Variants in FLG observed in about 807,000 individuals in gnomAD.
The protein encoded by FLG is filaggrin.
A neutral mutation model predicts 3.8 loss-of-function variants in FLG; 6 were observed. The ratio of observed to expected loss-of-function variants is 1.60; its 90% CI spans 0.87 to 3.15. The LOEUF is 3.15. Ranked by LOEUF, FLG falls within the 30% of genes most tolerant of loss-of-function variation. FLG has a pLI of 0.00. For synonymous variants in FLG, 2,551 were observed against 1,931.6 expected, an observed-to-expected ratio of 1.32 and a Z score of -8.41; for missense variants, 7,595 against 5,050.9, an observed-to-expected ratio of 1.50 and a Z score of -15.27.
intron 1 of FLG, among the ~76,000 whole-genome samples, chr1:152,316,387 A>G (rs909644189): frequency 6.6e-6 from 1 of 152,088 alleles, no homozygotes; most frequent in African/African-American, 2.4e-5. Context: ...TAGAGATGAA[A>G]AAGGGGAATT....
At position 152,311,907 on chromosome 1, in the gene FLG, G is replaced by T. The variant is rs533911903; in HGVS notation, c.2979C>A (p.Ala993=). ...RHPRSHHEDR[A]GHGHSADSSR... ...AGCTGTCTGCAGAGTGCCCGTGACC[G>T]GCTCTGTCTTCGTGATGGGACCTGG... is the stretch of plus-strand genomic sequence containing the variant. Residue 993 remains alanine, a synonymous_variant, in exon 3 of 3, where the codon GCC becomes GCA. Transcript: ENST00000368799. 1 of 1,614,024 alleles carries T rather than the reference G, an allele frequency of 6.2e-7. No individual in the cohort carries two copies. The highest frequency in any genetic ancestry group is 1.1e-5 in the South Asian group (1 of 91,066).
chr1:152,305,113 T>A lies in FLG; in HGVS notation c.9773A>T (p.His3258Leu), dbSNP rs777676503. The change falls in exon 3 of 3, where the codon CAC (histidine) becomes CTC (leucine). Residue 3258 changes from histidine to leucine, a missense_variant. His to Leu is a moderately conservative substitution (Grantham distance 99, BLOSUM62 -3). Coordinates refer to ENST00000368799, the MANE Select transcript of FLG (RefSeq NM_002016.2). ...GTGCCCGTGACCGGCTCTGTCTTCGTGATGGGACCTGGGGTGTCTGGAGCC... is the reference window on the plus strand; with the variant it reads ...GTGCCCGTGACCGGCTCTGTCTTCGAGATGGGACCTGGGGTGTCTGGAGCC... ...RHGSRHPRSH[H>L]EDRAGHGHSA... The A allele has an allele frequency of 2.0e-5, 32 of 1,613,824 alleles. No homozygotes were observed. Among genetic ancestry groups the A allele is most frequent in the South Asian group, 1.5e-4 (14 of 91,028 alleles).
chr1:152,319,775 A>G (rs1269704226), intron 1 of FLG, among the ~76,000 whole-genome samples: 2 of 151,548 alleles, frequency 1.3e-5, no homozygotes, highest in Non-Finnish European at 3.0e-5. Flanking sequence ...AAGCAAAGAA[A>G]AACAGAGCTA....
rs1651684009 is a variant in FLG at position 152,302,714 on chromosome 1, A to G, written c.12172T>C (p.Tyr4058His). 6.2e-7 allele frequency: 1 copy of G among 1,613,484 alleles called. No individual in the cohort carries two copies. Among genetic ancestry groups the G allele is most frequent in the African/African-American group, 1.3e-5 (1 of 75,040 alleles). The change falls in exon 3 of 3, where the codon TAT becomes CAT. Residue 4058 changes from tyrosine (Y) to histidine (H), a missense_variant. Coordinates refer to ENST00000368799, the MANE Select transcript of FLG (RefSeq NM_002016.2). ...CCATTAATTTCTTACTCATAGTAAT[A>G]GTATCTCTGTGACTGACTAAATCCC... Reference protein sequence around the residue: ...QLGFSQSQRYYYYE With the variant: ...QLGFSQSQRYHYYE
Position 152,307,109 on chromosome 1 carries a change from C to A in FLG, c.7777G>T (p.Gly2593Ter), listed in dbSNP as rs756353784. The change falls in exon 3 of 3, where the codon GGA becomes TGA. Residue 2593 changes from glycine (G) to a stop codon, truncating the protein, a stop_gained. Transcript: ENST00000368799. LOFTEE classifies it low-confidence loss of function (END_TRUNC). ...TCTCTTAGCTGCTCCTGAGCAGATC[C>A]ATGATGGTTTCTGGAAGCAGACCCA... is the stretch of plus-strand genomic sequence containing the variant. ...WSGSASRNHH[G>*]SAQEQLRDGS... 5 of 1,611,590 alleles carry A rather than the reference C, an allele frequency of 3.1e-6. No homozygotes were observed. Among genetic ancestry groups the A allele is most frequent in the South Asian group, 1.1e-5 (1 of 90,992 alleles).
intron 1 of FLG, among the ~76,000 whole-genome samples, chr1:152,323,614 AAAGAT>A (rs1206964131): frequency 2.0e-5 from 3 of 151,746 alleles, no homozygotes; most frequent in African/African-American, 4.8e-5. Context: ...AAGTGACTAA[AAAGAT>A]AAGAAAGAAA....
At position 152,302,901 on chromosome 1, in the gene FLG, C is replaced by G. The variant is rs776503518; in HGVS notation, c.11985G>C (p.Gln3995His). The change falls in exon 3 of 3, where the codon CAG becomes CAC. Residue 3995 changes from glutamine (Q) to histidine (H), a missense_variant. By Grantham distance (24) the Gln-to-His change is conservative (BLOSUM62 0). Coordinates refer to ENST00000368799, the MANE Select transcript of FLG (RefSeq NM_002016.2). ...DYGESGFRHS[Q>H]HGSVSYNSNP... ...TGGAATTGTAACTAACACTTCCGTG[C>G]TGAGAGTGTCTAAACCCGGATTCAC... The G allele has an allele frequency of 6.2e-7, 1 of 1,614,064 alleles. No individual in the cohort carries two copies. Among genetic ancestry groups the G allele is most frequent in the Non-Finnish European group, 8.5e-7 (1 of 1,180,044 alleles).
In FLG at chr1:152,313,231, T is replaced by C; in HGVS notation, c.1655A>G (p.Gln552Arg). ...CCCATGGGAGGCATCAGACCTTCCC[T>C]GGGATGTGGTGTGGCTGTGATGGGA... ...SGSHHSHTTS[Q>R]GRSDASHGQS... Residue 552 changes from glutamine to arginine, a missense_variant, in exon 3 of 3, where the codon CAG becomes CGG. Transcript: ENST00000368799. The C allele has an allele frequency of 6.2e-7, 1 of 1,613,878 alleles. No individual in the cohort carries two copies. The highest frequency in any genetic ancestry group is 8.5e-7 in the Non-Finnish European group (1 of 1,180,012).
At chr1:152,315,184 T>A in intron 2 of FLG, 135 bp downstream of exon 2, 1 of 866,350 alleles carries the variant, frequency 1.2e-6, no homozygotes, top group Non-Finnish European at 1.8e-6. Context: ...AAATAAAATC[T>A]ATCTCTTTTG....
In FLG at chr1:152,307,311, G is replaced by A. The variant is rs74338867; in HGVS notation, c.7575C>T (p.Asp2525=). The A allele has an allele frequency of 1.7e-3, 2,710 of 1,613,336 alleles. 45 individuals carry two copies. The African/African-American group carries it at 0.031, about 19-fold the overall frequency. The change falls in exon 3 of 3, where the codon GAC becomes GAT. Residue 2525 remains aspartate (D), a synonymous_variant. Coordinates refer to ENST00000368799, the MANE Select transcript of FLG (RefSeq NM_002016.2). Reference sequence around the variant, plus strand: ...GACGCGACCCTGAGTGCCTGGAGCCGTCTCCTGATTGTTCATCGTTACGAG... The same window carrying A: ...GACGCGACCCTGAGTGCCTGGAGCCATCTCCTGATTGTTCATCGTTACGAG... ...RQTRNDEQSG[D]GSRHSGSRHH...
rs779141143 is a variant in FLG at position 152,310,479 on chromosome 1, G to T, written c.4407C>A (p.Arg1469=). 1 of 1,613,756 alleles carries T rather than the reference G, an allele frequency of 6.2e-7. No homozygotes were observed. The highest frequency in any genetic ancestry group is 1.1e-5 in the South Asian group (1 of 91,048). The change falls in exon 3 of 3, where the codon CGC becomes CGA. Residue 1469 remains arginine, a synonymous_variant. Transcript: ENST00000368799. ...APSTGGRQGS[R]HEQARNSSRH... ...TAGAGCTGTTTCGTGCCTGCTCATG[G>T]CGGGATCCTTGTCTTCCTCCAGTGC...
In FLG at chr1:152,304,546, C is replaced by T. The variant is rs138147945; in HGVS notation, c.10340G>A (p.Gly3447Glu). The change falls in exon 3 of 3, where the codon GGA (glycine) becomes GAA (glutamate). Residue 3447 changes from glycine (G) to glutamate (E), a missense_variant. By Grantham distance (98) the Gly-to-Glu change is moderately conservative. Coordinates refer to ENST00000368799, the MANE Select transcript of FLG (RefSeq NM_002016.2). ...ATCTACCGATTGCTCGTAGTGGGAT[C>T]CCTGCCTTCCTCTTCTGCTTGACCC... ...HPGSSRRGRQ[G>E]SHYEQSVDRS... 2.2e-4 allele frequency: 360 copies of T among 1,609,658 alleles called. 5 individuals carry two copies. Among genetic ancestry groups the T allele is most frequent in the Non-Finnish European group, 2.9e-4 (336 of 1,177,662 alleles).
intron 2 of FLG, chr1:152,315,037 T>C (rs1244822517): frequency 2.4e-5 from 10 of 415,608 alleles, no homozygotes; most frequent in Non-Finnish European, 3.8e-5. Context: ...AAAATCCCCT[T>C]AGTAATGTTG....
chr1:152,310,617 G>T lies in FLG; in HGVS notation c.4269C>A (p.His1423Gln). 1.9e-6 allele frequency: 3 copies of T among 1,613,988 alleles called. No individual in the cohort carries two copies. Among genetic ancestry groups the T allele is most frequent in the Non-Finnish European group, 2.5e-6 (3 of 1,179,996 alleles). The change falls in exon 3 of 3, where the codon CAC (histidine) becomes CAA (glutamine). Residue 1423 changes from histidine (H) to glutamine (Q), a missense_variant. By Grantham distance (24) the His-to-Gln change is conservative. Transcript: ENST00000368799. ...CTGACTGGCCACGTGCGGACTCTTT[G>T]TGGCTCTGCTGATGGGGCCCAGCTT... Reference protein sequence around the residue: ...HGQAGPHQQSHKESARGQSGE... With the variant: ...HGQAGPHQQSQKESARGQSGE...
rs1248153062 is a variant in FLG at position 152,309,778 on chromosome 1, G to C, written c.5108C>G (p.Ser1703Ter). 3.7e-6 allele frequency: 6 copies of C among 1,614,002 alleles called. No homozygotes were observed. The highest frequency in any genetic ancestry group is 5.1e-6 in the Non-Finnish European group (6 of 1,179,998). ...GTTTCCACTGTCTCCGACTACAGAT[G>C]AATCTTGTCTGCGCCCAGTGCCTGA... ...TDSGTGRRQD[S>*]SVVGDSGNRG... Residue 1703 changes from serine to a stop codon, truncating the protein, a stop_gained, in exon 3 of 3, where the codon TCA becomes TGA. Transcript: ENST00000368799. LOFTEE classifies it low-confidence loss of function (END_TRUNC).
rs145247460 is a variant in FLG, at chr1:152,311,541, C to A, written c.3345G>T (p.Gly1115=). 1.5e-4 allele frequency: 240 copies of A among 1,613,910 alleles called. No individual in the cohort carries two copies. Among genetic ancestry groups the A allele is most frequent in the Middle Eastern group, 3.3e-4 (2 of 6,062 alleles). The change falls in exon 3 of 3, where the codon GGG becomes GGT. Residue 1115 remains glycine, a synonymous_variant. Coordinates refer to ENST00000368799, the MANE Select transcript of FLG (RefSeq NM_002016.2). The stretch of plus-strand genomic sequence containing the variant: ...GAGTGCTCACCTGGTAGATGAAAGA[C>A]CCTGAACGTCCAGACCTTCCCCCTG... ...DWSGGRSGRS[G]SFIYQVSTHE...
chr1:152,309,290 T>A lies in FLG; in HGVS notation c.5596A>T (p.Arg1866Ter), dbSNP rs1486109820. Residue 1866 changes from arginine (R) to a stop codon, truncating the protein, a stop_gained, in exon 3 of 3, where the codon AGA (arginine) becomes TGA (stop). Transcript: ENST00000368799. LOFTEE classifies it low-confidence loss of function (END_TRUNC). ...GATTGTTTCTCATTACGTGTTTGTCTGCTGACACTTCTGGATCCTGACTGC... is the reference window on the plus strand; with the variant it reads ...GATTGTTTCTCATTACGTGTTTGTCAGCTGACACTTCTGGATCCTGACTGC... ...RGQSGSRSVS[R>*]QTRNEKQSGD... is the part of the protein sequence containing the mutation. The A allele has an allele frequency of 6.2e-7, 1 of 1,613,906 alleles. No homozygotes were observed. The highest frequency in any genetic ancestry group is 8.5e-7 in the Non-Finnish European group (1 of 1,180,000).
In FLG at chr1:152,311,107, G is replaced by A; in HGVS notation, c.3779C>T (p.Ser1260Phe). 3.1e-6 allele frequency: 5 copies of A among 1,613,790 alleles called. No individual in the cohort carries two copies. In the South Asian group the frequency reaches 5.5e-5, roughly 18 times the overall value. ...GGATCCCTGGTGCCTGCTTGTCCTG[G>A]ACCCCGATGATTGTTCCTGTCCCAC... ...SQVGQEQSSG[S>F]RTSRHQGSSV... Residue 1260 changes from serine (S) to phenylalanine (F), a missense_variant, in exon 3 of 3, where the codon TCC becomes TTC. Transcript: ENST00000368799.
At position 152,309,245 on chromosome 1, in the gene FLG, A is replaced by C; in HGVS notation, c.5641T>G (p.Ser1881Ala). The change falls in exon 3 of 3, where the codon TCA (serine) becomes GCA (alanine). Residue 1881 changes from serine (S) to alanine (A), a missense_variant. Ser to Ala is a moderately conservative substitution (Grantham distance 99, BLOSUM62 1). Coordinates refer to ENST00000368799, the MANE Select transcript of FLG (RefSeq NM_002016.2). Reference sequence around the variant, plus strand: ...GAAGCTTCATGGTGACGCGACCCTGAGTGCCTGGAGCCGTCTCCTGATTGT... The same window carrying C: ...GAAGCTTCATGGTGACGCGACCCTGCGTGCCTGGAGCCGTCTCCTGATTGT... Reference protein sequence around the residue: ...EKQSGDGSRHSGSRHHEASSR... With the variant: ...EKQSGDGSRHAGSRHHEASSR... The C allele has an allele frequency of 6.2e-7, 1 of 1,613,432 alleles. No homozygotes were observed. Among genetic ancestry groups the C allele is most frequent in the Non-Finnish European group, 8.5e-7 (1 of 1,179,894 alleles).
Sources: gnomAD v4.1 joint callset for allele counts (sites outside exome capture counted in the v4.1 genomes callset) on GRCh38, gnomAD v4.1.1 for gene constraint, MANE v1.5 for transcripts, NCBI Gene and HGNC (gene_info 2026-07-23, HGNC 2026-07-21) for gene names.